LTBP1: variants seen among roughly 807,000 people sequenced by gnomAD.
LTBP1 encodes latent transforming growth factor beta binding protein 1.
A neutral mutation model predicts 207.6 loss-of-function variants in LTBP1; 129 were observed. That is an observed-to-expected ratio of 0.62 (90% CI 0.54 to 0.72). LTBP1 has a LOEUF of 0.72. Among genes scored for constraint, LTBP1 ranks in the 30% least tolerant of loss-of-function variants. The pLI is 0.00. For missense variants in LTBP1, 2,281 were observed against 2,217.2 expected (o/e 1.03, Z -0.58); for synonymous variants, 963 against 833.7 (o/e 1.16, Z -2.67).
intron 3 of LTBP1, among the ~76,000 whole-genome samples, chr2:33,085,248 C>T (rs1489745002): frequency 6.6e-6 from 1 of 152,164 alleles, no homozygotes; most frequent in African/African-American, 2.4e-5. Flanking sequence ...TCTCCATACC[C>T]GAGAGAGAAT....
chr2:32,958,303 T>C (rs1678429694), intron 2 of LTBP1, among the ~76,000 whole-genome samples: 1 of 152,214 alleles, frequency 6.6e-6, no homozygotes, highest in Non-Finnish European at 1.5e-5. Flanking sequence ...GCAGGGCCCC[T>C]GCACAGTAAT....
At chr2:32,969,229 T>TGTG (rs575035380) in intron 2 of LTBP1, among the ~76,000 whole-genome samples, 9,667 of 131,638 alleles carry the variant, frequency 0.073, 439 homozygotes, top group South Asian at 0.14. Flanking sequence ...CCTGGCCAAT[T>TGTG]TGTGTGTGTG....
intron 5 of LTBP1, among the ~76,000 whole-genome samples, chr2:33,162,012 C>G (rs575049926): frequency 6.6e-6 from 1 of 152,210 alleles, no homozygotes; most frequent in Non-Finnish European, 1.5e-5. Flanking sequence ...GCTTGAGAAG[C>G]ACATGCTGAG....
intron 24 of LTBP1, among the ~76,000 whole-genome samples, chr2:33,330,997 GTTTTGTTT>G (rs2094487347): frequency 6.6e-6 from 1 of 151,742 alleles, no homozygotes; most frequent in Non-Finnish European, 1.5e-5. Context: ...GTTTCAGTAA[GTTTTGTTT>G]TCCAAGGAAT....
intron 26 of LTBP1, 127 bp from the exon 27 acceptor site, chr2:33,360,470 G>A (rs1047868015): frequency 5.2e-6 from 3 of 571,482 alleles, no homozygotes; most frequent in Non-Finnish European, 9.1e-6. Context: ...CACTGAAAGT[G>A]GAAAGCATTT....
chr2:33,229,936 C>T (rs2091692805), intron 9 of LTBP1, among the ~76,000 whole-genome samples: 2 of 152,192 alleles, frequency 1.3e-5, no homozygotes, highest in African/African-American at 4.8e-5. Context: ...ATTACAAAGG[C>T]ATTTGACTCA....
At chr2:33,262,307 T>A (rs1429053690) in intron 13 of LTBP1, among the ~76,000 whole-genome samples, 1 of 152,218 alleles carries the variant, frequency 6.6e-6, no homozygotes, top group Non-Finnish European at 1.5e-5. Context: ...CATTATTTAA[T>A]CTGCAAACTG....
intron 7 of LTBP1, among the ~76,000 whole-genome samples, chr2:33,191,087 T>G (rs1397551372): frequency 6.6e-6 from 1 of 152,206 alleles, no homozygotes; most frequent in Non-Finnish European, 1.5e-5. Flanking sequence ...AGGTTGGTCA[T>G]GGAGAAAGGA....
At chr2:33,302,392 T>C (rs2094003023) in intron 22 of LTBP1, among the ~76,000 whole-genome samples, 1 of 152,214 alleles carries the variant, frequency 6.6e-6, no homozygotes, top group African/African-American at 2.4e-5. Context: ...TCCAAGTTTT[T>C]GAAGGAGGGT....
intron 5 of LTBP1, among the ~76,000 whole-genome samples, chr2:33,183,264 T>C (rs1440072234): frequency 1.3e-5 from 2 of 152,226 alleles, no homozygotes; most frequent in Non-Finnish European, 2.9e-5. Context: ...ACTTTCTTTT[T>C]TGTTGGCTCA....
intron 26 of LTBP1, among the ~76,000 whole-genome samples, chr2:33,355,083 GT>G (rs1380962484): frequency 6.6e-6 from 1 of 151,982 alleles, no homozygotes; most frequent in African/African-American, 2.4e-5. Flanking sequence ...CCTTTTAAAC[GT>G]TTCCATACAC....
At chr2:33,322,127 C>T (rs2094364155) in intron 24 of LTBP1, among the ~76,000 whole-genome samples, 1 of 85,952 alleles carries the variant, frequency 1.2e-5, no homozygotes. Flanking sequence ...GAGATCTCTT[C>T]CTAAGCCTTT....
intron 5 of LTBP1, among the ~76,000 whole-genome samples, chr2:33,139,728 G>A (rs1255475738): frequency 6.6e-6 from 1 of 152,192 alleles, no homozygotes; most frequent in Non-Finnish European, 1.5e-5. Context: ...AGGGAAGAGA[G>A]AAGCAAAGTT....
At chr2:33,202,022 A>AACACATACAC (rs2089342994) in intron 7 of LTBP1, among the ~76,000 whole-genome samples, 1 of 140,588 alleles carries the variant, frequency 7.1e-6, no homozygotes, top group East Asian at 2.2e-4. Context: ...TTAGCACTGG[A>AACACATACAC]ACACACACAC....
intron 5 of LTBP1, among the ~76,000 whole-genome samples, chr2:33,135,523 G>A (rs916383573): frequency 6.7e-6 from 1 of 149,048 alleles, no homozygotes; most frequent in African/African-American, 2.4e-5. Context: ...GATATATAAC[G>A]TGGATTTGGG....
chr2:33,210,578 A>T (rs1363584847), intron 7 of LTBP1, among the ~76,000 whole-genome samples: 1 of 152,226 alleles, frequency 6.6e-6, no homozygotes, highest in Non-Finnish European at 1.5e-5. Flanking sequence ...GAGAAAAGGA[A>T]CTATGATGCT....
At chr2:33,030,090 T>G (rs72791774) in intron 3 of LTBP1, among the ~76,000 whole-genome samples, 14,530 of 152,218 alleles carry the variant, frequency 0.095, 940 homozygotes, top group Non-Finnish European at 0.14. Flanking sequence ...TTGCCTGACG[T>G]TGGTGTTTTG....
chr2:33,357,755 AAGG>A (rs1459051736), intron 26 of LTBP1, among the ~76,000 whole-genome samples: 3 of 152,208 alleles, frequency 2.0e-5, no homozygotes, highest in Admixed American at 6.5e-5. Context: ...GAAAATACTG[AAGG>A]AGGAGTAATA....
rs796271909 is a variant in LTBP1 at position 33,393,224 on chromosome 2, CCTT to C, written c.4835-3899_4835-3897del. On this transcript the variant is annotated intron_variant, in intron 32 of 33. Transcript: ENST00000404816. ...CACCCTCCACTAGTGTCTGTTGTTTCCTTCTTCTTCTTTTTTTTTTTTTTTTTT... is the reference window on the plus strand; with the variant it reads ...CACCCTCCACTAGTGTCTGTTGTTTCCTTCTTCTTTTTTTTTTTTTTTTTT... 3.2e-3 allele frequency among the ~76,000 whole-genome samples: 358 copies of C among 111,588 alleles called. 18 individuals are homozygous for C. Among genetic ancestry groups the C allele is most frequent in the Non-Finnish European group, 4.3e-3 (232 of 54,386 alleles). 73.2% of individuals were successfully genotyped at this position (111,588 alleles called of 152,430 possible).
Sources: gnomAD v4.1 joint callset for allele counts (sites outside exome capture counted in the v4.1 genomes callset) on GRCh38, gnomAD v4.1.1 for gene constraint, MANE v1.5 for transcripts, NCBI Gene and HGNC (gene_info 2026-07-23, HGNC 2026-07-21) for gene names.